MGMT: variants seen among roughly 807,000 people sequenced by gnomAD.
The protein encoded by MGMT is O-6-methylguanine-DNA methyltransferase.
Under a neutral mutation model 15.9 loss-of-function variants are expected in MGMT, and 14 were observed. That is an observed-to-expected ratio of 0.88 (90% CI 0.58 to 1.37). The LOEUF is 1.37. Among genes scored for constraint, MGMT ranks in the 40% most tolerant of loss-of-function variants. The pLI is 0.00. For missense variants in MGMT, 282 were observed against 268.1 expected, an observed-to-expected ratio of 1.05 and a Z score of -0.36; for synonymous variants, 130 against 118.2, an observed-to-expected ratio of 1.10 and a Z score of -0.65.
At chr10:129,577,287 A>G (rs1846495305) in intron 2 of MGMT, among the ~76,000 whole-genome samples, 1 of 151,336 alleles carries the variant, frequency 6.6e-6, no homozygotes, top group Non-Finnish European at 1.5e-5. Flanking sequence ...TTCAAACTAT[A>G]CTACAAGGCT....
At chr10:129,613,890 A>C (rs931523300) in intron 2 of MGMT, among the ~76,000 whole-genome samples, 2 of 152,256 alleles carry the variant, frequency 1.3e-5, no homozygotes, top group Admixed American at 1.3e-4. Context: ...AGGGCCGGTC[A>C]GTGCCATGGC....
chr10:129,594,360 CTCAGA>C (rs1320086946), intron 2 of MGMT, among the ~76,000 whole-genome samples: 1 of 152,180 alleles, frequency 6.6e-6, no homozygotes, highest in African/African-American at 2.4e-5. Context: ...GTGAAAAGAG[CTCAGA>C]TCAGAAGTTT....
chr10:129,752,481 T>C (rs1241647105), intron 3 of MGMT, among the ~76,000 whole-genome samples: 1 of 152,060 alleles, frequency 6.6e-6, no homozygotes, highest in Non-Finnish European at 1.5e-5. Flanking sequence ...TTAATGTAAT[T>C]ATTAATGTTT....
intron 2 of MGMT, among the ~76,000 whole-genome samples, chr10:129,676,076 C>T (rs1294075383): frequency 6.6e-6 from 1 of 152,150 alleles, no homozygotes; most frequent in African/African-American, 2.4e-5. Flanking sequence ...AGGGTGCACC[C>T]TACCTCTCCT....
chr10:129,517,101 C>G (rs1845746691), intron 1 of MGMT, among the ~76,000 whole-genome samples: 1 of 152,198 alleles, frequency 6.6e-6, no homozygotes, highest in Non-Finnish European at 1.5e-5. Context: ...CATGTGAGCA[C>G]AGAGGGTAGA....
At chr10:129,728,439 C>T (rs1848458255) in intron 3 of MGMT, among the ~76,000 whole-genome samples, 1 of 152,062 alleles carries the variant, frequency 6.6e-6, no homozygotes, top group Non-Finnish European at 1.5e-5. Context: ...CCGCAGGGTC[C>T]ATAATGGTGG....
chr10:129,612,002 C>T (rs947579678), intron 2 of MGMT, among the ~76,000 whole-genome samples: 4 of 152,248 alleles, frequency 2.6e-5, no homozygotes, highest in Admixed American at 6.5e-5. Context: ...CTAAGGTGGT[C>T]GGGGTGCAGC....
At chr10:129,505,120 T>C (rs954799728) in intron 1 of MGMT, among the ~76,000 whole-genome samples, 2 of 152,116 alleles carry the variant, frequency 1.3e-5, no homozygotes, top group Non-Finnish European at 2.9e-5. Context: ...GAATGAAGTA[T>C]TGGGAAAGAA....
chr10:129,660,111 C>G (rs1168289456), intron 2 of MGMT, among the ~76,000 whole-genome samples: 1 of 152,212 alleles, frequency 6.6e-6, no homozygotes, highest in African/African-American at 2.4e-5. Flanking sequence ...ATAACTTCCT[C>G]CTTTCTCTCC....
chr10:129,740,056 C>A (rs984165009), intron 3 of MGMT, among the ~76,000 whole-genome samples: 2 of 152,224 alleles, frequency 1.3e-5, no homozygotes, highest in East Asian at 3.8e-4. Context: ...AAAGGGAAAT[C>A]TAAAGATGTT....
chr10:129,538,747 T>G (rs565362942), intron 2 of MGMT, among the ~76,000 whole-genome samples: 3 of 152,124 alleles, frequency 2.0e-5, no homozygotes, highest in African/African-American at 7.2e-5. Flanking sequence ...GCAATTCTCC[T>G]GCCTCAGCCT....
intron 2 of MGMT, among the ~76,000 whole-genome samples, chr10:129,691,674 G>C (rs917656381): frequency 8.5e-5 from 13 of 152,130 alleles, no homozygotes; most frequent in African/African-American, 3.1e-4. Flanking sequence ...AGGGGCCCGG[G>C]AGTGTGCCTG....
chr10:129,770,711 AGT>A lies in MGMT; in HGVS notation c.*3717_*3718del, dbSNP rs1404820000. On this transcript the variant is annotated 3_prime_UTR_variant, in exon 5 of 5. Coordinates refer to ENST00000651593, the MANE Select transcript of MGMT (RefSeq NM_002412.5). ...GGCTTCATGTATGAGCAAGGGGGAA[AGT>A]GTTTTATTTTACTAGGAAGATTTTA... Among the ~76,000 whole-genome samples, 1 of 152,224 alleles carries A rather than the reference AGT, an allele frequency of 6.6e-6. No individual in the cohort carries two copies. The highest frequency in any genetic ancestry group is 1.5e-5 in the Non-Finnish European group (1 of 68,046).
intron 2 of MGMT, among the ~76,000 whole-genome samples, chr10:129,570,926 A>T (rs754315599): frequency 2.0e-5 from 3 of 152,240 alleles, no homozygotes; most frequent in Non-Finnish European, 4.4e-5. Flanking sequence ...GTCTGTCAAG[A>T]TAATATAGGA....
intron 2 of MGMT, among the ~76,000 whole-genome samples, chr10:129,598,759 CTTGTATAT>C (rs1846782721): frequency 1.3e-5 from 2 of 152,134 alleles, no homozygotes; most frequent in African/African-American, 4.8e-5. Context: ...ATGTGCTTGT[CTTGTATAT>C]TACAAAGTAG....
chr10:129,766,752 T>A (rs777562855), intron 4 of MGMT, 36 bp from the exon 5 acceptor site: 2 of 1,584,458 alleles, frequency 1.3e-6, no homozygotes, highest in East Asian at 2.3e-5. Flanking sequence ...GTTGTCCAGA[T>A]CCCTGACTGA....
chr10:129,623,449 G>A (rs1307827622), intron 2 of MGMT, among the ~76,000 whole-genome samples: 1 of 152,138 alleles, frequency 6.6e-6, no homozygotes, highest in African/African-American at 2.4e-5. Context: ...CCACCATCCA[G>A]AATTAGGAAG....
chr10:129,687,304 A>G (rs980474481), intron 2 of MGMT, among the ~76,000 whole-genome samples: 10 of 152,112 alleles, frequency 6.6e-5, no homozygotes, highest in African/African-American at 2.2e-4. Flanking sequence ...TGTCTCACCA[A>G]TGCACCACAA....
At chr10:129,740,207 G>A (rs1396965708) in intron 3 of MGMT, among the ~76,000 whole-genome samples, 1 of 152,184 alleles carries the variant, frequency 6.6e-6, no homozygotes, top group Non-Finnish European at 1.5e-5. Context: ...CTCCAAGTGG[G>A]CTCTCATTGA....
Sources: allele counts gnomAD v4.1 joint callset (sites outside exome capture counted in the v4.1 genomes callset), GRCh38; gene constraint gnomAD v4.1.1; transcripts MANE v1.5; gene names NCBI Gene and HGNC (gene_info 2026-07-23, HGNC 2026-07-21).